CYFIP1: variants seen among roughly 807,000 people sequenced by gnomAD.
CYFIP1 encodes cytoplasmic FMR1-interacting protein 1.
Under a neutral mutation model 163.5 loss-of-function variants are expected in CYFIP1, and 58 were observed. The observed-to-expected ratio is 0.35, with a 90% CI of 0.29 to 0.44. The LOEUF is 0.44. CYFIP1 is among the 20% of genes least tolerant of loss of function. The pLI is 1.00. For synonymous variants in CYFIP1, 663 were observed against 660.7 expected, an observed-to-expected ratio of 1.00 and a Z score of -0.05; for missense variants, 1,338 against 1,653.8, an observed-to-expected ratio of 0.81 and a Z score of 3.31.
intron 25 of CYFIP1, among the ~76,000 whole-genome samples, chr15:22,880,673 G>A (rs1031400897): frequency 6.6e-6 from 1 of 152,194 alleles, no homozygotes; most frequent in East Asian, 1.9e-4. Flanking sequence ...GGCATCAGGA[G>A]GGGCCTAAAC....
chr15:22,914,921 G>GAAAA, intron 16 of CYFIP1, 39 bp from the exon 17 acceptor site: 1 of 1,564,486 alleles, frequency 6.4e-7, no homozygotes, highest in Admixed American at 2.0e-5. Context: ...TCTCCCGCAA[G>GAAAA]CAAAAAAAAA....
intron 13 of CYFIP1, among the ~76,000 whole-genome samples, chr15:22,925,751 C>T (rs571937158): frequency 8.5e-5 from 13 of 152,264 alleles, no homozygotes; most frequent in Non-Finnish European, 1.5e-4. Flanking sequence ...TCCATCCAGA[C>T]GCAGGTCCAG....
chr15:22,938,119 G>A (rs1447801727), intron 8 of CYFIP1, among the ~76,000 whole-genome samples: 2 of 152,198 alleles, frequency 1.3e-5, no homozygotes, highest in African/African-American at 2.4e-5. Flanking sequence ...TGCAGAGGTG[G>A]AGAAGAGAGC....
intron 11 of CYFIP1, among the ~76,000 whole-genome samples, chr15:22,929,694 G>C (rs923864643): frequency 1.4e-5 from 2 of 146,614 alleles, no homozygotes; most frequent in Admixed American, 7.0e-5. Flanking sequence ...CCAGCACTTT[G>C]GGAGGCCGAG....
intron 1 of CYFIP1, among the ~76,000 whole-genome samples, chr15:22,979,278 G>A (rs2063385014): frequency 6.6e-6 from 1 of 152,158 alleles, no homozygotes; most frequent in Non-Finnish European, 1.5e-5. Flanking sequence ...GCATGCGTGG[G>A]GCCCCCGCGG....
At position 22,873,537 on chromosome 15, in the gene CYFIP1, G is replaced by A; in HGVS notation, c.3403C>T (p.Gln1135Ter). Residue 1135 changes from glutamine (Q) to a stop codon, truncating the protein, a stop_gained, in exon 29 of 31, where the codon CAG becomes TAG. Transcript: ENST00000617928. LOFTEE classifies it high-confidence loss of function. Reference sequence around the variant, plus strand: ...CCCACGGGAATGCAGTAGACAAACTGCATGGCACTCCACAGTCTGTGAAAC... The same window carrying A: ...CCCACGGGAATGCAGTAGACAAACTACATGGCACTCCACAGTCTGTGAAAC... Reference protein sequence around the residue: ...VEFHRLWSAMQFVYCIPVGTH... With the variant: ...VEFHRLWSAM 6.2e-7 allele frequency: 1 copy of A among 1,614,178 alleles called. No individual in the cohort carries two copies. Among genetic ancestry groups the A allele is most frequent in the Non-Finnish European group, 8.5e-7 (1 of 1,180,020 alleles).
chr15:22,939,331 G>C lies in CYFIP1; in HGVS notation c.667-11C>G. The C allele has an allele frequency of 1.2e-6, 2 of 1,614,140 alleles. No individual in the cohort carries two copies. The highest frequency in any genetic ancestry group is 8.5e-7 in the Non-Finnish European group (1 of 1,180,024). On this transcript the variant is annotated splice_polypyrimidine_tract_variant and intron_variant, in intron 7 of 30. Transcript: ENST00000617928. ...CTGCTGCTGCAGAGACTGAAACACA[G>C]AGCAAGAGACTCATGCATGGGCCCG... is the stretch of plus-strand genomic sequence containing the variant.
chr15:22,921,403 A>G (rs1449870335), intron 13 of CYFIP1, among the ~76,000 whole-genome samples: 1 of 147,344 alleles, frequency 6.8e-6, no homozygotes, highest in Admixed American at 6.7e-5. Context: ...TAAATAAATA[A>G]ATGTAACAAT....
intron 23 of CYFIP1, among the ~76,000 whole-genome samples, chr15:22,883,226 A>AT (rs1387927650): frequency 6.6e-6 from 1 of 152,162 alleles, no homozygotes; most frequent in African/African-American, 2.4e-5. Context: ...AAAGAAAACC[A>AT]TTTGGTGTTT....
chr15:22,925,088 A>G (rs1830284613), intron 13 of CYFIP1, among the ~76,000 whole-genome samples: 1 of 152,148 alleles, frequency 6.6e-6, no homozygotes, highest in Admixed American at 6.5e-5. Flanking sequence ...TTTTGACCCA[A>G]GGTTGGTTCA....
At chr15:22,928,529 C>CTGCCACA (rs1300609280) in intron 11 of CYFIP1, among the ~76,000 whole-genome samples, 1 of 152,216 alleles carries the variant, frequency 6.6e-6, no homozygotes, top group African/African-American at 2.4e-5. Flanking sequence ...GGACAGGCCG[C>CTGCCACA]TGCCACAGCC....
chr15:22,878,700 TAAAA>T (rs35977367), intron 26 of CYFIP1, among the ~76,000 whole-genome samples: 1 of 136,714 alleles, frequency 7.3e-6, no homozygotes, highest in Non-Finnish European at 1.6e-5. Context: ...TGCTAATCAT[TAAAA>T]AAAAAAAGGC....
intron 23 of CYFIP1, among the ~76,000 whole-genome samples, chr15:22,891,472 A>G (rs976728988): frequency 6.6e-6 from 1 of 152,238 alleles, no homozygotes; most frequent in Non-Finnish European, 1.5e-5. Flanking sequence ...CATAATGTTT[A>G]CACAGTCACC....
At chr15:22,942,265 C>T (rs2061912671) in intron 6 of CYFIP1, among the ~76,000 whole-genome samples, 1 of 152,180 alleles carries the variant, frequency 6.6e-6, no homozygotes, top group East Asian at 1.9e-4. Context: ...TAAAATGCAA[C>T]ATAACTAGAG....
intron 16 of CYFIP1, among the ~76,000 whole-genome samples, chr15:22,916,056 G>A (rs752432282): frequency 6.8e-4 from 103 of 152,142 alleles, no homozygotes; most frequent in Non-Finnish European, 8.1e-4. Flanking sequence ...CGCACCCACC[G>A]GTGGCCGGTC....
In CYFIP1 at chr15:22,869,373, C is replaced by T. The variant is rs1272676283; in HGVS notation, c.*655G>A. On this transcript the variant is annotated 3_prime_UTR_variant, in exon 31 of 31. Coordinates refer to ENST00000617928, the MANE Select transcript of CYFIP1 (RefSeq NM_014608.6). ...CATCCCACCTCAGCCTTAGAGGTGA[C>T]CTCCATCCCAGCTGGCCTGGTATGT... The T allele has an allele frequency of 6.6e-6, 1 of 152,176 alleles. No homozygotes were observed. Among genetic ancestry groups the T allele is most frequent in the African/African-American group, 2.4e-5 (1 of 41,400 alleles). 9.4% of individuals were successfully genotyped at this position (152,176 alleles called of 1,614,324 possible). A position where few individuals can be genotyped will look rare whatever the true frequency, so the allele number is the denominator to read the frequency against.
intron 1 of CYFIP1, among the ~76,000 whole-genome samples, chr15:22,975,044 A>G (rs967651225): frequency 2.6e-5 from 4 of 151,942 alleles, no homozygotes; most frequent in Non-Finnish European, 5.9e-5. Flanking sequence ...CCACGTGATG[A>G]GTAGTCAGTT....
intron 22 of CYFIP1, among the ~76,000 whole-genome samples, chr15:22,895,676 G>A (rs113179385): frequency 1.8e-4 from 27 of 152,190 alleles, no homozygotes; most frequent in African/African-American, 6.5e-4. Context: ...AAGACAGCAT[G>A]GGGTTAGAGG....
At chr15:22,959,675 G>T (rs2062608938) in intron 1 of CYFIP1, among the ~76,000 whole-genome samples, 1 of 152,174 alleles carries the variant, frequency 6.6e-6, no homozygotes, top group Admixed American at 6.5e-5. Context: ...GGAACTGGCT[G>T]CCACCCACCT....
Sources: allele counts gnomAD v4.1 joint callset (sites outside exome capture counted in the v4.1 genomes callset), GRCh38; gene constraint gnomAD v4.1.1; transcripts MANE v1.5; gene names NCBI Gene and HGNC (gene_info 2026-07-23, HGNC 2026-07-21).